NUGGC: variants seen among roughly 807,000 people sequenced by gnomAD.
NUGGC encodes the protein nuclear GTPase, germinal center associated.
A neutral mutation model predicts 92.6 loss-of-function variants in NUGGC; 58 were observed. The ratio of observed to expected loss-of-function variants is 0.63; its 90% CI spans 0.51 to 0.78. NUGGC has a LOEUF of 0.78. Ranked by LOEUF, NUGGC falls within the 30% of genes least tolerant of loss-of-function variation. The pLI is 0.00. For synonymous variants in NUGGC, 376 were observed against 366.4 expected, an observed-to-expected ratio of 1.03 and a Z score of -0.30; for missense variants, 925 against 964.6, an observed-to-expected ratio of 0.96 and a Z score of 0.54.
At chr8:28,058,922 T>C (rs1374755784) in intron 8 of NUGGC, among the ~76,000 whole-genome samples, 3 of 152,116 alleles carry the variant, frequency 2.0e-5, no homozygotes, top group African/African-American at 7.2e-5. Flanking sequence ...GCCAGGATGG[T>C]CTCAATCTCC....
intron 10 of NUGGC, among the ~76,000 whole-genome samples, chr8:28,051,607 G>T (rs537753991): frequency 6.6e-6 from 1 of 152,290 alleles, no homozygotes; most frequent in South Asian, 2.1e-4. Flanking sequence ...AAAATAAAAA[G>T]TCGTGTGACA....
chr8:28,036,774 C>T (rs979753063), intron 13 of NUGGC, among the ~76,000 whole-genome samples: 5 of 152,188 alleles, frequency 3.3e-5, no homozygotes, highest in African/African-American at 1.2e-4. Flanking sequence ...CCTATTCTGT[C>T]TGCCACAACC....
intron 7 of NUGGC, among the ~76,000 whole-genome samples, chr8:28,064,126 T>C (rs1460866460): frequency 1.3e-5 from 2 of 152,194 alleles, no homozygotes; most frequent in African/African-American, 4.8e-5. Context: ...GACCTCCAGC[T>C]CTATGCTGAT....
intron 4 of NUGGC, 84 bp downstream of exon 4, chr8:28,069,460 C>T: frequency 1.4e-6 from 1 of 704,914 alleles, no homozygotes; most frequent in Non-Finnish European, 2.5e-6. Flanking sequence ...TAAATAGTCC[C>T]TTTCCTTGTT....
In NUGGC at chr8:28,067,510, C is replaced by A; in HGVS notation, c.711+4G>T. 6.3e-7 allele frequency: 1 copy of A among 1,593,614 alleles called. No homozygotes were observed. The highest frequency in any genetic ancestry group is 1.1e-5 in the South Asian group (1 of 88,106). On this transcript the variant is annotated splice_donor_region_variant and intron_variant, in intron 6 of 18. Transcript: ENST00000413272. ...AATCAAGGAAAAAACGAACTTGACG[C>A]TACCTCTTCCGCCTTGAGGGTGATG... is the stretch of plus-strand genomic sequence containing the variant.
At chr8:28,024,413 G>A (rs146129877) in intron 18 of NUGGC, among the ~76,000 whole-genome samples, 496 of 152,104 alleles carry the variant, frequency 3.3e-3, no homozygotes, top group African/African-American at 0.011. Flanking sequence ...CTCTGGACTC[G>A]AACTGCCTCT....
At chr8:28,060,911 C>T (rs1367823597) in intron 7 of NUGGC, among the ~76,000 whole-genome samples, 2 of 152,220 alleles carry the variant, frequency 1.3e-5, no homozygotes, top group Non-Finnish European at 2.9e-5. Context: ...CTCTGAGACA[C>T]AGTGACTGCA....
At chr8:28,039,152 C>T (rs771529964) in intron 13 of NUGGC, among the ~76,000 whole-genome samples, 16 of 152,234 alleles carry the variant, frequency 1.1e-4, no homozygotes, top group Non-Finnish European at 1.3e-4. Context: ...TTGGTTCTTT[C>T]GGCATTTATT....
At chr8:28,036,307 T>TCTGCCCCTCCC (rs1294450520) in intron 13 of NUGGC, among the ~76,000 whole-genome samples, 1 of 152,208 alleles carries the variant, frequency 6.6e-6, no homozygotes, top group Non-Finnish European at 1.5e-5. Flanking sequence ...CTTTTCCTTC[T>TCTGCCCCTCCC]CTGCCCCTCC....
intron 10 of NUGGC, among the ~76,000 whole-genome samples, chr8:28,050,161 A>C (rs2130162442): frequency 6.6e-6 from 1 of 151,908 alleles, no homozygotes; most frequent in African/African-American, 2.4e-5. Context: ...CGAGGCGGGC[A>C]AATCACCGGA....
rs1015658726 is a variant in NUGGC, at chr8:28,068,894, G to A, written c.258-456C>T. Among the ~76,000 whole-genome samples, 12 of 151,966 alleles carry A rather than the reference G, an allele frequency of 7.9e-5. No individual in the cohort carries two copies. The South Asian group carries it at 1.7e-3, about 21-fold the overall frequency. ...TGGAACTACAGGCGTGCTCCATGAC[G>A]CCTGGCTAATTTTTTTGTATTTTGT... On this transcript the variant is annotated intron_variant, in intron 4 of 18. Transcript: ENST00000413272.
intron 10 of NUGGC, among the ~76,000 whole-genome samples, chr8:28,050,228 A>G (rs1027816722): frequency 6.6e-6 from 1 of 151,796 alleles, no homozygotes; most frequent in Non-Finnish European, 1.5e-5. Flanking sequence ...TCTACTAAAA[A>G]TACAAAATTA....
At position 28,081,479 on chromosome 8, in the gene NUGGC, G is replaced by A. The variant is rs144607981; in HGVS notation, c.-47+2296C>T. ...TCAGTACTAGTGTCATCCAGGCCAC[G>A]TCTGTTAGTCTTTGGGGAACAGATG... On this transcript the variant is annotated intron_variant, in intron 1 of 18. Coordinates refer to ENST00000413272, the MANE Select transcript of NUGGC (RefSeq NM_001010906.2). 1.6e-4 allele frequency among the ~76,000 whole-genome samples: 24 copies of A among 152,254 alleles called. No individual in the cohort carries two copies. The East Asian group carries it at 4.2e-3, about 27-fold the overall frequency.
In NUGGC at chr8:28,022,693, G is replaced by A. The variant is rs1402034360; in HGVS notation, c.*624C>T. 1 of 152,164 alleles carries A rather than the reference G, an allele frequency of 6.6e-6. No homozygotes were observed. The highest frequency in any genetic ancestry group is 1.5e-5 in the Non-Finnish European group (1 of 68,054). 9.4% of individuals were successfully genotyped at this position (152,164 alleles called of 1,614,324 possible). A position where few individuals can be genotyped will look rare whatever the true frequency, so the allele number is the denominator to read the frequency against. ...CTGCAATCCTAGCACAAGAGACTGAGGTGGGAGAGAATCACTTGAGGCCAG... is the reference window on the plus strand; with the variant it reads ...CTGCAATCCTAGCACAAGAGACTGAAGTGGGAGAGAATCACTTGAGGCCAG... On this transcript the variant is annotated 3_prime_UTR_variant, in exon 19 of 19. Coordinates refer to ENST00000413272, the MANE Select transcript of NUGGC (RefSeq NM_001010906.2).
At chr8:28,064,110 T>C (rs1248783827) in intron 7 of NUGGC, among the ~76,000 whole-genome samples, 14 of 152,150 alleles carry the variant, frequency 9.2e-5, no homozygotes, top group Admixed American at 9.2e-4. Flanking sequence ...CACGCCAGCT[T>C]CCTCAGACCT....
At position 28,031,261 on chromosome 8, in the gene NUGGC, T is replaced by C; in HGVS notation, c.1890A>G (p.Lys630=). The C allele has an allele frequency of 6.2e-7, 1 of 1,614,090 alleles. No homozygotes were observed. The highest frequency in any genetic ancestry group is 8.5e-7 in the Non-Finnish European group (1 of 1,179,906). ...RSGWKYDSCK[K]NFLIQEISAI... is the part of the protein sequence containing the mutation. Reference sequence around the variant, plus strand: ...AACGTACCTCCTGGATCAGGAAATTTTTTTTGCAGCTATCATATTTCCAGC... The same window carrying C: ...AACGTACCTCCTGGATCAGGAAATTCTTTTTGCAGCTATCATATTTCCAGC... The change falls in exon 15 of 19, where the codon AAA becomes AAG. Residue 630 remains lysine, a synonymous_variant. Transcript: ENST00000413272.
At chr8:28,025,844 T>C (rs1585548314) in intron 18 of NUGGC, among the ~76,000 whole-genome samples, 1 of 152,158 alleles carries the variant, frequency 6.6e-6, no homozygotes, top group Non-Finnish European at 1.5e-5. Flanking sequence ...GTATAAAATA[T>C]AAAAGGCACA....
intron 8 of NUGGC, among the ~76,000 whole-genome samples, chr8:28,058,834 C>G (rs1810218679): frequency 1.3e-5 from 2 of 152,078 alleles, no homozygotes; most frequent in African/African-American, 4.8e-5. Flanking sequence ...TCCTGAGTAG[C>G]TGGGACTACA....
At chr8:28,071,958 G>T (rs998005251) in intron 2 of NUGGC, among the ~76,000 whole-genome samples, 2 of 152,112 alleles carry the variant, frequency 1.3e-5, no homozygotes, top group African/African-American at 4.8e-5. Flanking sequence ...TCCAAGAACG[G>T]CAGCCCACAC....
Sources: allele counts gnomAD v4.1 joint callset (sites outside exome capture counted in the v4.1 genomes callset), GRCh38; gene constraint gnomAD v4.1.1; transcripts MANE v1.5; gene names NCBI Gene and HGNC (gene_info 2026-07-23, HGNC 2026-07-21).